Variants in VWC2L observed in about 807,000 individuals in gnomAD.
VWC2L encodes the protein von Willebrand factor C domain-containing protein 2-like.
In VWC2L, 10 loss-of-function variants were observed where a neutral mutation model predicts 21.6. That is an observed-to-expected ratio of 0.46 (90% CI 0.29 to 0.78). VWC2L has a LOEUF of 0.78. VWC2L is among the 30% of genes least tolerant of loss of function. The pLI is 0.10. For synonymous variants in VWC2L, 96 were observed against 94.3 expected (o/e 1.02, Z -0.10); for missense variants, 209 against 277.1 (o/e 0.75, Z 1.74).
intron 2 of VWC2L, among the ~76,000 whole-genome samples, chr2:214,427,341 G>T (rs1325401569): frequency 1.3e-5 from 2 of 152,116 alleles, no homozygotes; most frequent in Non-Finnish European, 2.9e-5. Flanking sequence ...GAGAATCAGA[G>T]AATTTTTCTT....
At chr2:214,413,670 A>AT (rs1205642901) in intron 1 of VWC2L, among the ~76,000 whole-genome samples, 1 of 152,094 alleles carries the variant, frequency 6.6e-6, no homozygotes, top group African/African-American at 2.4e-5. Context: ...TTAGAATTAG[A>AT]TTTTTTTCTC....
intron 3 of VWC2L, among the ~76,000 whole-genome samples, chr2:214,525,509 T>G (rs1159134312): frequency 6.6e-6 from 1 of 152,174 alleles, no homozygotes; most frequent in African/African-American, 2.4e-5. Flanking sequence ...TATATGAATG[T>G]GCACCGCACT....
chr2:214,439,430 T>A (rs1237210547), intron 3 of VWC2L, among the ~76,000 whole-genome samples: 2 of 151,980 alleles, frequency 1.3e-5, no homozygotes, highest in Non-Finnish European at 2.9e-5. Flanking sequence ...CATAGATTTT[T>A]AAAAAGCAAC....
At chr2:214,425,303 C>T (rs147373016) in intron 2 of VWC2L, among the ~76,000 whole-genome samples, 3 of 152,230 alleles carry the variant, frequency 2.0e-5, no homozygotes, top group South Asian at 2.1e-4. Flanking sequence ...TTAATCAGTG[C>T]GTGGTCTCAG....
intron 3 of VWC2L, among the ~76,000 whole-genome samples, chr2:214,562,354 T>C (rs1023193900): frequency 2.6e-5 from 4 of 152,210 alleles, no homozygotes; most frequent in African/African-American, 9.6e-5. Context: ...TAGTATTCCA[T>C]TGTGTATATG....
At chr2:214,562,694 T>C (rs1383243961) in intron 3 of VWC2L, among the ~76,000 whole-genome samples, 1 of 152,226 alleles carries the variant, frequency 6.6e-6, no homozygotes, top group Non-Finnish European at 1.5e-5. Flanking sequence ...CATGAGATGG[T>C]TGGCATCTCA....
chr2:214,465,949 T>A (rs886699778), intron 3 of VWC2L, among the ~76,000 whole-genome samples: 1 of 152,146 alleles, frequency 6.6e-6, no homozygotes, highest in African/African-American at 2.4e-5. Flanking sequence ...CGCTGCACTC[T>A]CCCTCCCCCA....
At chr2:214,565,310 C>A (rs1477244014) in intron 3 of VWC2L, among the ~76,000 whole-genome samples, 2 of 152,120 alleles carry the variant, frequency 1.3e-5, no homozygotes, top group African/African-American at 2.4e-5. Flanking sequence ...AGCTTGCAAC[C>A]TCTTTGTTAT....
rs73987415 is a variant in VWC2L at position 214,574,639 on chromosome 2, C to A, written c.521-1033C>A. On this transcript the variant is annotated intron_variant, in intron 3 of 3. Coordinates refer to ENST00000312504, the MANE Select transcript of VWC2L (RefSeq NM_001080500.4). Reference sequence around the variant, plus strand: ...CAGGTTAATAAATCACTGGTAGACACAACTCAACATTCTCTCTCTTTACCC... The same window carrying A: ...CAGGTTAATAAATCACTGGTAGACAAAACTCAACATTCTCTCTCTTTACCC... Among the ~76,000 whole-genome samples, 1,253 of 152,222 alleles carry A rather than the reference C, an allele frequency of 8.2e-3. 14 individuals are homozygous for A. Among genetic ancestry groups the A allele is most frequent in the African/African-American group, 0.029 (1,211 of 41,520 alleles).
chr2:214,443,998 G>A (rs1282798738), intron 3 of VWC2L, among the ~76,000 whole-genome samples: 1 of 151,960 alleles, frequency 6.6e-6, no homozygotes, highest in African/African-American at 2.4e-5. Context: ...CAAAATGAAC[G>A]TGCAGATGTC....
chr2:214,424,557 A>G (rs1702494253), intron 2 of VWC2L, among the ~76,000 whole-genome samples: 1 of 152,170 alleles, frequency 6.6e-6, no homozygotes, highest in Non-Finnish European at 1.5e-5. Flanking sequence ...CTTGGCATGC[A>G]CCATGTGATT....
intron 3 of VWC2L, among the ~76,000 whole-genome samples, chr2:214,560,793 C>T (rs1321931594): frequency 6.6e-6 from 1 of 152,158 alleles, no homozygotes; most frequent in Non-Finnish European, 1.5e-5. Flanking sequence ...CATTCTCAAG[C>T]TGTCATGTGG....
intron 3 of VWC2L, among the ~76,000 whole-genome samples, chr2:214,506,182 C>T (rs1432981813): frequency 2.0e-5 from 3 of 152,058 alleles, no homozygotes; most frequent in Non-Finnish European, 4.4e-5. Flanking sequence ...TTCATCCTTC[C>T]ACTTTAAAGA....
intron 3 of VWC2L, among the ~76,000 whole-genome samples, chr2:214,441,230 T>C (rs1702759324): frequency 6.6e-6 from 1 of 152,116 alleles, no homozygotes; most frequent in Non-Finnish European, 1.5e-5. Flanking sequence ...AGGCATCCAA[T>C]ACCTTCTAAA....
intron 3 of VWC2L, among the ~76,000 whole-genome samples, chr2:214,563,253 T>G (rs1018058074): frequency 6.6e-6 from 1 of 152,042 alleles, no homozygotes; most frequent in Non-Finnish European, 1.5e-5. Context: ...TTGTAAAAGA[T>G]CAAGTGGTTG....
chr2:214,472,263 T>C (rs1326604685), intron 3 of VWC2L: 5 of 152,100 alleles, frequency 3.3e-5, no homozygotes, highest in Admixed American at 6.6e-5. Flanking sequence ...AAGAAGGAGA[T>C]AGATATCATT....
rs562693054 is a variant in VWC2L at position 214,413,860 on chromosome 2, T to C, written c.-80-254T>C. On this transcript the variant is annotated intron_variant, in intron 1 of 3. Transcript: ENST00000312504. ...TTTGCAATTTAGATAAAGCCAGACC[T>C]ATGAAATTCAGAAGGAAAATTCAAG... Among the ~76,000 whole-genome samples, 3 of 152,288 alleles carry C rather than the reference T, an allele frequency of 2.0e-5. No individual in the cohort carries two copies. The South Asian group carries it at 6.2e-4, about 32-fold the overall frequency.
intron 3 of VWC2L, among the ~76,000 whole-genome samples, chr2:214,493,406 T>C (rs1688770826): frequency 6.6e-6 from 1 of 151,774 alleles, no homozygotes; most frequent in South Asian, 2.1e-4. Context: ...AATCTAAGAG[T>C]AGGTAAAATT....
At chr2:214,556,542 GA>G (rs1178609779) in intron 3 of VWC2L, among the ~76,000 whole-genome samples, 3 of 152,036 alleles carry the variant, frequency 2.0e-5, no homozygotes, top group Non-Finnish European at 2.9e-5. Flanking sequence ...ACCCCCACCC[GA>G]AAAAATACCC....
Sources: gnomAD v4.1 joint callset for allele counts (sites outside exome capture counted in the v4.1 genomes callset) on GRCh38, gnomAD v4.1.1 for gene constraint, MANE v1.5 for transcripts, NCBI Gene and HGNC (gene_info 2026-07-23, HGNC 2026-07-21) for gene names.